SOWAHB: variants seen among roughly 807,000 people sequenced by gnomAD.
The protein encoded by SOWAHB is ankyrin repeat domain-containing protein SOWAHB.
A neutral mutation model predicts 18.3 loss-of-function variants in SOWAHB; 17 were observed. The observed-to-expected ratio is 0.93, with a 90% CI of 0.64 to 1.40. The LOEUF (loss-of-function observed/expected upper bound fraction) is 1.40. Among genes scored for constraint, SOWAHB ranks in the 40% most tolerant of loss-of-function variants. The probability of loss-of-function intolerance (pLI) is 0.00; values close to 1 mark genes in which losing one functional copy is unlikely to be tolerated. For missense variants in SOWAHB, 1,126 were observed against 1,033.7 expected (o/e 1.09, Z -1.22); for synonymous variants, 496 against 448.1 (o/e 1.11, Z -1.35).
At position 76,897,523 on chromosome 4, in the gene SOWAHB, G is replaced by T; in HGVS notation, c.327C>A (p.Gly109=). 7.1e-7 allele frequency: 1 copy of T among 1,415,554 alleles called. No homozygotes were observed. Among genetic ancestry groups the T allele is most frequent in the South Asian group, 1.6e-5 (1 of 64,446 alleles). The allele number at this position is 1,415,554 out of a possible 1,614,324, so 87.7% of individuals were successfully genotyped here. A position where few individuals can be genotyped will look rare whatever the true frequency, so the allele number is the denominator to read the frequency against. Residue 109 remains glycine (G), a synonymous_variant, in exon 1 of 1, where the codon GGC becomes GGA. Coordinates refer to ENST00000334306, the MANE Select transcript of SOWAHB (RefSeq NM_001029870.3). The surrounding 1 kb of genome is among the most constrained non-coding windows in gnomAD (Gnocchi z 6.4). ...AGGAAPCSPR[G]ARRGEPPQQQ... is the part of the protein sequence containing the mutation. ...GCTGGGGCGGCTCCCCCCGGCGCGC[G>T]CCTCGCGGGGAGCAGGGCGCAGCTC... is the stretch of plus-strand genomic sequence containing the variant.
At position 76,898,113 on chromosome 4, in the gene SOWAHB, G is replaced by C; in HGVS notation, c.-264C>G. The C allele has an allele frequency of 2.1e-6, 1 of 466,320 alleles. No individual in the cohort carries two copies. Among genetic ancestry groups the C allele is most frequent in the Non-Finnish European group, 3.8e-6 (1 of 265,852 alleles). The allele number at this position is 466,320 out of a possible 1,614,324, so 28.9% of individuals were successfully genotyped here. On this transcript the variant is annotated 5_prime_UTR_variant, in exon 1 of 1. Coordinates refer to ENST00000334306, the MANE Select transcript of SOWAHB (RefSeq NM_001029870.3). ...CCGAGGCCGCCCCTGCGCGACTCTA[G>C]CCTCTCGCAACGAGTCCTCACAGCG...
In SOWAHB at chr4:76,897,119, C is replaced by G; in HGVS notation, c.731G>C (p.Gly244Ala). The G allele has an allele frequency of 1.3e-6, 2 of 1,539,660 alleles. No individual in the cohort carries two copies. The highest frequency in any genetic ancestry group is 1.7e-6 in the Non-Finnish European group (2 of 1,148,780). ...DRGASREREE[G>A]ALAEPAPVPA... ...CACAGGCGCCGGCTCAGCTAGCGCG[C>G]CTTCTTCCCGCTCCCTGGAAGCCCC... Residue 244 changes from glycine (G) to alanine (A), a missense_variant, in exon 1 of 1, where the codon GGC becomes GCC. Physicochemically the swap from Gly to Ala is moderately conservative, Grantham distance 60 (BLOSUM62 0). Coordinates refer to ENST00000334306, the MANE Select transcript of SOWAHB (RefSeq NM_001029870.3). This position sits in a 1 kb window ranked among gnomAD's most constrained non-coding sequence, Gnocchi z 6.4.
chr4:76,896,345 G>T lies in SOWAHB; in HGVS notation c.1505C>A (p.Ala502Glu). 6.2e-7 allele frequency: 1 copy of T among 1,602,428 alleles called. No homozygotes were observed. Among genetic ancestry groups the T allele is most frequent in the Non-Finnish European group, 8.5e-7 (1 of 1,172,626 alleles). The change falls in exon 1 of 1, where the codon GCA becomes GAA. Residue 502 changes from alanine (A) to glutamate (E), a missense_variant. Transcript: ENST00000334306. Reference sequence around the variant, plus strand: ...AGAGGAGGACAATTTGGCTCTCCCTGCCAGAGAGCTCCTCCTGAGGGACCT... The same window carrying T: ...AGAGGAGGACAATTTGGCTCTCCCTTCCAGAGAGCTCCTCCTGAGGGACCT... The part of the protein sequence containing the change: ...LRRSLRRSSL[A>E]GRAKLSSSDE...
At position 76,895,793 on chromosome 4, in the gene SOWAHB, A is replaced by G. The variant is rs772808432; in HGVS notation, c.2057T>C (p.Ile686Thr). ...LAAIHGHQGV[I>T]KLLVQRLASR... is the part of the protein sequence containing the mutation. ...AGCCAACCTTTGCACTAGCAATTTG[A>G]TGACCCCCTGGTGGCCGTGAATGGC... The change falls in exon 1 of 1, where the codon ATC becomes ACC. Residue 686 changes from isoleucine (I) to threonine (T), a missense_variant. Physicochemically the swap from Ile to Thr is moderately conservative, Grantham distance 89. Coordinates refer to ENST00000334306, the MANE Select transcript of SOWAHB (RefSeq NM_001029870.3). 18 of 1,614,216 alleles carry G rather than the reference A, an allele frequency of 1.1e-5. No homozygotes were observed. Among genetic ancestry groups the G allele is most frequent in the Non-Finnish European group, 1.5e-5 (18 of 1,180,044 alleles).
At position 76,894,494 on chromosome 4, in the gene SOWAHB, T is replaced by C. The variant is rs1456272734; in HGVS notation, c.*974A>G. On this transcript the variant is annotated 3_prime_UTR_variant, in exon 1 of 1. Transcript: ENST00000334306. ...AACAAGTTTAGTGCAAATACAATTA[T>C]ATTTAGCGGCTTAGATAGTCCTGGT... 6.6e-6 allele frequency among the ~76,000 whole-genome samples: 1 copy of C among 152,234 alleles called. No individual in the cohort carries two copies. Among genetic ancestry groups the C allele is most frequent in the Non-Finnish European group, 1.5e-5 (1 of 68,046 alleles).
In SOWAHB at chr4:76,895,582, G is replaced by T. The variant is rs1229899084; in HGVS notation, c.2268C>A (p.Val756=). The stretch of plus-strand genomic sequence containing the variant: ...GTGCAGCGAAGGAAGTTTTTCGGGT[G>T]ACACTTCTAGATATTTCCTTGCTCT... ...KAKSKEISRS[V]TRKTSFAALL... is the part of the protein sequence containing the mutation. Residue 756 remains valine (V), a synonymous_variant, in exon 1 of 1, where the codon GTC becomes GTA. Coordinates refer to ENST00000334306, the MANE Select transcript of SOWAHB (RefSeq NM_001029870.3). 3 of 1,614,216 alleles carry T rather than the reference G, an allele frequency of 1.9e-6. No homozygotes were observed. The South Asian group carries it at 3.3e-5, about 18-fold the overall frequency.
At position 76,895,438 on chromosome 4, in the gene SOWAHB, C is replaced by T. The variant is rs767633834; in HGVS notation, c.*30G>A. ...TCTCACTGAGCAGGATGAGGGAGTG[C>T]TGCCTGCATGTTGGACAGAGAGACC... On this transcript the variant is annotated 3_prime_UTR_variant, in exon 1 of 1. Transcript: ENST00000334306. 9.7e-6 allele frequency: 15 copies of T among 1,545,016 alleles called. No homozygotes were observed. Among genetic ancestry groups the T allele is most frequent in the South Asian group, 2.5e-5 (2 of 78,988 alleles).
Position 76,898,037 on chromosome 4 carries a change from G to A in SOWAHB, c.-188C>T. On this transcript the variant is annotated 5_prime_UTR_variant, in exon 1 of 1. Coordinates refer to ENST00000334306, the MANE Select transcript of SOWAHB (RefSeq NM_001029870.3). ...CCAGGAGGGCCGTGGGTCCCCTCCG[G>A]GTGGCCCCAAGGCTGAGTCCCCGCG... 1.6e-6 allele frequency: 1 copy of A among 616,570 alleles called. No homozygotes were observed. Among genetic ancestry groups the A allele is most frequent in the South Asian group, 2.0e-5 (1 of 49,678 alleles). 38.2% of individuals were successfully genotyped at this position (616,570 alleles called of 1,614,324 possible). A position where few individuals can be genotyped will look rare whatever the true frequency, so the allele number is the denominator to read the frequency against.
rs761659904 is a variant in SOWAHB at position 76,897,550 on chromosome 4, C to G, written c.300G>C (p.Gly100=). The part of the protein sequence containing the change: ...REPPAAAPSA[G]GAAPCSPRGA... ...CTCGCGGGGAGCAGGGCGCAGCTCC[C>G]CCTGCACTGGGGGCGGCCGCGGGCG... The change falls in exon 1 of 1, where the codon GGG becomes GGC. Residue 100 remains glycine, a synonymous_variant. Transcript: ENST00000334306. This position sits in a 1 kb window ranked among gnomAD's most constrained non-coding sequence, Gnocchi z 6.4. 83 of 1,556,988 alleles carry G rather than the reference C, an allele frequency of 5.3e-5. No homozygotes were observed. The African/African-American group carries it at 9.0e-4, about 17-fold the overall frequency.
chr4:76,896,822 C>T lies in SOWAHB; in HGVS notation c.1028G>A (p.Gly343Asp), dbSNP rs775097993. The T allele has an allele frequency of 3.1e-6, 5 of 1,613,728 alleles. No homozygotes were observed. In the East Asian group the frequency reaches 1.1e-4, roughly 36 times the overall value. ...DNFLQLPLEP[G>D]STEPNSEPPD... is the part of the protein sequence containing the mutation. ...CGGCTCTGAATTAGGCTCCGTGGAG[C>T]CGGGTTCCAAGGGCAGCTGGAGGAA... Residue 343 changes from glycine to aspartate, a missense_variant, in exon 1 of 1, where the codon GGC becomes GAC. Transcript: ENST00000334306.
rs1367495326 is a variant in SOWAHB at position 76,897,232 on chromosome 4, A to T, written c.618T>A (p.Ala206=). ...GTGCGCCGAGCTCTCCCGGCAGTAC[A>T]GCCAGGTTGTTCTGGAGGCATTCCC... The part of the protein sequence containing the change: ...CCWECLQNNL[A]VLPGELGALP... Residue 206 remains alanine, a synonymous_variant, in exon 1 of 1, where the codon GCT becomes GCA. Transcript: ENST00000334306. This position sits in a 1 kb window ranked among gnomAD's most constrained non-coding sequence, Gnocchi z 6.4. 3.8e-6 allele frequency: 6 copies of T among 1,581,534 alleles called. No homozygotes were observed. Among genetic ancestry groups the T allele is most frequent in the Admixed American group, 1.7e-5 (1 of 57,550 alleles).
rs781102354 is a variant in SOWAHB, at chr4:76,896,809, A to T, written c.1041T>A (p.Pro347=). The T allele has an allele frequency of 6.2e-6, 10 of 1,613,742 alleles. No individual in the cohort carries two copies. In the Admixed American group the frequency reaches 1.7e-4, roughly 27 times the overall value. The change falls in exon 1 of 1, where the codon CCT becomes CCA. Residue 347 remains proline, a synonymous_variant. Coordinates refer to ENST00000334306, the MANE Select transcript of SOWAHB (RefSeq NM_001029870.3). ...QLPLEPGSTE[P]NSEPPDPCLS... ...GACAGGGGTCTGGCGGCTCTGAATTAGGCTCCGTGGAGCCGGGTTCCAAGG... is the reference window on the plus strand; with the variant it reads ...GACAGGGGTCTGGCGGCTCTGAATTTGGCTCCGTGGAGCCGGGTTCCAAGG...
chr4:76,896,798 G>T lies in SOWAHB; in HGVS notation c.1052C>A (p.Pro351Gln), dbSNP rs1421032248. ...EPGSTEPNSE[P>Q]PDPCLSSHSL... ...GTGCGAGGAAAGACAGGGGTCTGGC[G>T]GCTCTGAATTAGGCTCCGTGGAGCC... The change falls in exon 1 of 1, where the codon CCG (proline) becomes CAG (glutamine). Residue 351 changes from proline to glutamine, a missense_variant. By Grantham distance (76) the Pro-to-Gln change is moderately conservative (BLOSUM62 -1). Coordinates refer to ENST00000334306, the MANE Select transcript of SOWAHB (RefSeq NM_001029870.3). 1.9e-6 allele frequency: 3 copies of T among 1,613,880 alleles called. No homozygotes were observed. Among genetic ancestry groups the T allele is most frequent in the South Asian group, 2.2e-5 (2 of 91,086 alleles).
In SOWAHB at chr4:76,896,777, GAGGAAAGAC is replaced by G; in HGVS notation, c.1064_1072del (p.Cys355_Ser357del). On this transcript the variant is annotated inframe_deletion, in exon 1 of 1. Coordinates refer to ENST00000334306, the MANE Select transcript of SOWAHB (RefSeq NM_001029870.3). The stretch of plus-strand genomic sequence containing the variant: ...CGGAACAACAGGAAAGAGAGAGTGC[GAGGAAAGAC>G]AGGGGTCTGGCGGCTCTGAATTAGG... 1.2e-6 allele frequency: 2 copies of G among 1,613,968 alleles called. No individual in the cohort carries two copies. Among genetic ancestry groups the G allele is most frequent in the Non-Finnish European group, 1.7e-6 (2 of 1,180,050 alleles).
chr4:76,896,789 G>C lies in SOWAHB; in HGVS notation c.1061C>G (p.Pro354Arg). ...AAAGAGAGAGTGCGAGGAAAGACAG[G>C]GGTCTGGCGGCTCTGAATTAGGCTC... ...STEPNSEPPD[P>R]CLSSHSLFPV... Residue 354 changes from proline to arginine, a missense_variant, in exon 1 of 1, where the codon CCC (proline) becomes CGC (arginine). Physicochemically the swap from Pro to Arg is moderately radical, Grantham distance 103 (BLOSUM62 -2). Coordinates refer to ENST00000334306, the MANE Select transcript of SOWAHB (RefSeq NM_001029870.3). 1 of 1,613,926 alleles carries C rather than the reference G, an allele frequency of 6.2e-7. No homozygotes were observed. The highest frequency in any genetic ancestry group is 8.5e-7 in the Non-Finnish European group (1 of 1,180,050).
In SOWAHB at chr4:76,896,129, C is replaced by A; in HGVS notation, c.1721G>T (p.Gly574Val). The A allele has an allele frequency of 6.4e-7, 1 of 1,569,778 alleles. No individual in the cohort carries two copies. Among genetic ancestry groups the A allele is most frequent in the Non-Finnish European group, 8.6e-7 (1 of 1,158,722 alleles). The change falls in exon 1 of 1, where the codon GGG becomes GTG. Residue 574 changes from glycine (G) to valine (V), a missense_variant. Coordinates refer to ENST00000334306, the MANE Select transcript of SOWAHB (RefSeq NM_001029870.3). ...TCTGTGGGGGGCCAAGGCTGCAGAC[C>A]CCTCCCCACTGGGGACCCACAGGCT... ...RHSLWVPSGE[G>V]SAALAPHRTS...
In SOWAHB at chr4:76,895,889, G is replaced by T; in HGVS notation, c.1961C>A (p.Ala654Glu). The change falls in exon 1 of 1, where the codon GCA (alanine) becomes GAA (glutamate). Residue 654 changes from alanine (A) to glutamate (E), a missense_variant. Transcript: ENST00000334306. ...LRALQDLVSG[A>E]KKAGIVLDVN... ...ATCAAGGACAATCCCTGCCTTCTTT[G>T]CTCCAGACACCAAGTCCTGAAGGGC... is the stretch of plus-strand genomic sequence containing the variant. The T allele has an allele frequency of 6.2e-7, 1 of 1,614,166 alleles. No homozygotes were observed. The highest frequency in any genetic ancestry group is 8.5e-7 in the Non-Finnish European group (1 of 1,180,040).
Position 76,897,455 on chromosome 4 carries a change from T to A in SOWAHB, c.395A>T (p.Glu132Val), listed in dbSNP as rs1274252070. The A allele has an allele frequency of 2.7e-6, 4 of 1,504,054 alleles. No homozygotes were observed. Among genetic ancestry groups the A allele is most frequent in the Non-Finnish European group, 3.5e-6 (4 of 1,133,752 alleles). 93.2% of individuals were successfully genotyped at this position (1,504,054 alleles called of 1,614,324 possible). Reference sequence around the variant, plus strand: ...GGCTCTGGCTGCTGCACCTGCTGGCTCCTCCTCCGGCTCCTTCTCGCGCCG... The same window carrying A: ...GGCTCTGGCTGCTGCACCTGCTGGCACCTCCTCCGGCTCCTTCTCGCGCCG... ...RRRREKEPEE[E>V]PAGAAARAAD... The change falls in exon 1 of 1, where the codon GAG (glutamate) becomes GTG (valine). Residue 132 changes from glutamate (E) to valine (V), a missense_variant. Physicochemically the swap from Glu to Val is moderately radical, Grantham distance 121. Coordinates refer to ENST00000334306, the MANE Select transcript of SOWAHB (RefSeq NM_001029870.3). The surrounding 1 kb of genome is among the most constrained non-coding windows in gnomAD (Gnocchi z 6.4).
Position 76,897,583 on chromosome 4 carries a change from G to A in SOWAHB, c.267C>T (p.Pro89=). 2 of 1,603,652 alleles carry A rather than the reference G, an allele frequency of 1.2e-6. No individual in the cohort carries two copies. The highest frequency in any genetic ancestry group is 1.7e-6 in the Non-Finnish European group (2 of 1,178,166). ...DLLGEEGLQR[P]REPPAAAPSA... is the part of the protein sequence containing the mutation. ...TGGGGGCGGCCGCGGGCGGCTCGCG[G>A]GGTCGCTGCAGCCCCTCCTCCCCCA... is the stretch of plus-strand genomic sequence containing the variant. Residue 89 remains proline (P), a synonymous_variant, in exon 1 of 1, where the codon CCC becomes CCT. Transcript: ENST00000334306. The surrounding 1 kb of genome is among the most constrained non-coding windows in gnomAD (Gnocchi z 6.4).
Sources: allele counts gnomAD v4.1 joint callset (sites outside exome capture counted in the v4.1 genomes callset), GRCh38; gene constraint gnomAD v4.1.1; non-coding constraint Gnocchi (gnomAD v3.1); transcripts MANE v1.5; gene names NCBI Gene and HGNC (gene_info 2026-07-23, HGNC 2026-07-21).